KRT31: variants seen among roughly 807,000 people sequenced by gnomAD.
KRT31 encodes the protein keratin, type I cuticular Ha1.
A neutral mutation model predicts 40.8 loss-of-function variants in KRT31; 27 were observed. That is an observed-to-expected ratio of 0.66 (90% CI 0.49 to 0.91). KRT31 has a LOEUF of 0.91. Ranked by LOEUF, KRT31 falls within the 40% of genes least tolerant of loss-of-function variation. The probability of loss-of-function intolerance (pLI) is 0.00; values close to 1 mark genes in which losing one functional copy is unlikely to be tolerated. For missense variants in KRT31, 510 were observed against 544.1 expected (o/e 0.94, Z 0.62); for synonymous variants, 231 against 231.9 (o/e 1.00, Z 0.03).
At chr17:41,396,694 C>A in intron 2 of KRT31, 118 bp from the exon 3 acceptor site, 1 of 1,242,262 alleles carries the variant, frequency 8.0e-7, no homozygotes, top group Non-Finnish European at 1.1e-6. Context: ...GCCCAGGAGA[C>A]AGAGGTTTCT....
intron 5 of KRT31, 57 bp downstream of exon 5, chr17:41,395,188 C>G: frequency 6.2e-7 from 1 of 1,611,802 alleles, no homozygotes; most frequent in Non-Finnish European, 8.5e-7. Flanking sequence ...AAGCACATCC[C>G]CGGGACTCTG....
Position 41,396,938 on chromosome 17 carries a change from G to A in KRT31, c.406C>T (p.Leu136=), listed in dbSNP as rs761263135. 1.5e-5 allele frequency: 25 copies of A among 1,613,954 alleles called. No homozygotes were observed. Among genetic ancestry groups the A allele is most frequent in the Non-Finnish European group, 1.9e-5 (23 of 1,179,920 alleles). The change falls in exon 2 of 7, where the codon CTG becomes TTG. Residue 136 remains leucine, a synonymous_variant. Coordinates refer to ENST00000251645, the MANE Select transcript of KRT31 (RefSeq NM_002277.3). ...TTGGTTCTGAAATCATCCGCAGCCA[G>A]CTTGGCGTTGTCGATCTGCACCACA... ...RLVVQIDNAK[L]AADDFRTKYQ...
chr17:41,395,510 G>T lies in KRT31; in HGVS notation c.702C>A (p.Ala234=), dbSNP rs769809007. Residue 234 remains alanine, a synonymous_variant, in exon 4 of 7, where the codon GCC becomes GCA. Transcript: ENST00000251645. ...CTTCCCTGCGGTTGGTTTCCACCAG[G>T]GCCTCATACTGACTCCTGGTCTCGT... ...VLNETRSQYE[A]LVETNRREVE... 8 of 1,614,030 alleles carry T rather than the reference G, an allele frequency of 5.0e-6. No homozygotes were observed. In the East Asian group the frequency reaches 1.1e-4, roughly 22 times the overall value.
Position 41,395,346 on chromosome 17 carries a change from C to G in KRT31, c.775G>C (p.Val259Leu). ...TQTEELNKQV[V>L]SSSEQLQSYQ... Reference sequence around the variant, plus strand: ...GACTGCAGCTGCTCTGAGCTGGATACCACCTGCTTGTTCAGCTCCTCGGTC... The same window carrying G: ...GACTGCAGCTGCTCTGAGCTGGATAGCACCTGCTTGTTCAGCTCCTCGGTC... Residue 259 changes from valine to leucine, a missense_variant, in exon 5 of 7, where the codon GTA (valine) becomes CTA (leucine). By Grantham distance (32) the Val-to-Leu change is conservative. Coordinates refer to ENST00000251645, the MANE Select transcript of KRT31 (RefSeq NM_002277.3). 1 of 1,614,044 alleles carries G rather than the reference C, an allele frequency of 6.2e-7. No individual in the cohort carries two copies. The highest frequency in any genetic ancestry group is 8.5e-7 in the Non-Finnish European group (1 of 1,180,028).
Position 41,397,286 on chromosome 17 carries a change from T to C in KRT31, c.254A>G (p.Glu85Gly). Reference protein sequence around the residue: ...RQLERDNAELENLIRERSQQQ... With the variant: ...RQLERDNAELGNLIRERSQQQ... ...CTGAGACCGCTCCCGGATGAGGTTC[T>C]CCAGCTCCGCGTTGTCCCGCTCCAG... Residue 85 changes from glutamate (E) to glycine (G), a missense_variant, in exon 1 of 7, where the codon GAG becomes GGG. Glu to Gly is a moderately conservative substitution (Grantham distance 98). Coordinates refer to ENST00000251645, the MANE Select transcript of KRT31 (RefSeq NM_002277.3). 6.2e-7 allele frequency: 1 copy of C among 1,614,232 alleles called. No homozygotes were observed. Among genetic ancestry groups the C allele is most frequent in the Non-Finnish European group, 8.5e-7 (1 of 1,180,038 alleles).
chr17:41,395,477 T>G lies in KRT31; in HGVS notation c.735A>C (p.Gln245His). The change falls in exon 4 of 7, where the codon CAA becomes CAC. Residue 245 changes from glutamine (Q) to histidine (H), a missense_variant. Transcript: ENST00000251645. The part of the protein sequence containing the change: ...LVETNRREVE[Q>H]WFTTQTEELN... ...AGATGCCCACCTGCGTGGTGAACCA[T>G]TGCTCCACTTCCCTGCGGTTGGTTT... The G allele has an allele frequency of 1.2e-6, 2 of 1,614,142 alleles. No individual in the cohort carries two copies. The highest frequency in any genetic ancestry group is 8.5e-7 in the Non-Finnish European group (1 of 1,180,008).
At position 41,397,363 on chromosome 17, in the gene KRT31, A is replaced by G; in HGVS notation, c.177T>C (p.Thr59=). 1.2e-6 allele frequency: 2 copies of G among 1,613,440 alleles called. No homozygotes were observed. The highest frequency in any genetic ancestry group is 1.1e-5 in the South Asian group (1 of 91,040). ...EGSFNGSEKE[T]MQFLNDRLAS... The stretch of plus-strand genomic sequence containing the variant: ...CCAGGCGGTCGTTCAGGAACTGCAT[A>G]GTCTCCTTCTCGCTACCATTGAAGG... Residue 59 remains threonine (T), a synonymous_variant, in exon 1 of 7, where the codon ACT becomes ACC. Transcript: ENST00000251645.
rs765746547 is a variant in KRT31 at position 41,397,492 on chromosome 17, G to A, written c.48C>T (p.Cys16=). ...CLPSLSCRTS[C]SSRPCVPPSC... ...TGGGGGGCACGCAGGGCCGGGAGGA[G>A]CAGCTGGTGCGGCAGCTCAGGCTGG... is the stretch of plus-strand genomic sequence containing the variant. Residue 16 remains cysteine, a synonymous_variant, in exon 1 of 7, where the codon TGC becomes TGT. Coordinates refer to ENST00000251645, the MANE Select transcript of KRT31 (RefSeq NM_002277.3). 2 of 1,613,152 alleles carry A rather than the reference G, an allele frequency of 1.2e-6. No individual in the cohort carries two copies. The highest frequency in any genetic ancestry group is 1.3e-5 in the African/African-American group (1 of 74,906).
At chr17:41,395,668 T>G (rs2018214781) in intron 3 of KRT31, 45 bp from the exon 4 acceptor site, 2 of 1,590,830 alleles carry the variant, frequency 1.3e-6, no homozygotes, top group Non-Finnish European at 1.7e-6. Context: ...CAGCAAAGAA[T>G]GAACTCTAAG....
intron 1 of KRT31, 79 bp from the exon 2 acceptor site, chr17:41,397,074 T>C: frequency 6.3e-7 from 1 of 1,582,220 alleles, no homozygotes; most frequent in African/African-American, 1.4e-5. Flanking sequence ...CTTAAGCCAT[T>C]TTGAAATAAA....
rs1341983988 is a variant in KRT31, at chr17:41,393,816, C to A, written c.*200G>T. 1.1e-5 allele frequency: 6 copies of A among 563,936 alleles called. No homozygotes were observed. The Admixed American group carries it at 2.2e-4, about 21-fold the overall frequency. The allele number at this position is 563,936 out of a possible 1,614,324, so 34.9% of individuals were successfully genotyped here. On this transcript the variant is annotated 3_prime_UTR_variant, in exon 7 of 7. Coordinates refer to ENST00000251645, the MANE Select transcript of KRT31 (RefSeq NM_002277.3). The stretch of plus-strand genomic sequence containing the variant: ...TGGGTGAGCATAGGAAGGAACAGAC[C>A]CCCAGGAAGGAAAGGGTGAGCAGGA...
At position 41,396,981 on chromosome 17, in the gene KRT31, C is replaced by T. The variant is rs1204113960; in HGVS notation, c.363G>A (p.Lys121=). 2 of 1,614,088 alleles carry T rather than the reference C, an allele frequency of 1.2e-6. No homozygotes were observed. The highest frequency in any genetic ancestry group is 1.7e-5 in the Admixed American group (1 of 60,028). ...GCACCACAAGCCTGGCATTCTCAGA[C>T]TTGGTACACAGGATCTGGGGAGTGA... ...EELQQKILCT[K]SENARLVVQI... is the part of the protein sequence containing the mutation. The change falls in exon 2 of 7, where the codon AAG becomes AAA. Residue 121 remains lysine (K), a synonymous_variant. Transcript: ENST00000251645.
rs2018227102 is a variant in KRT31, at chr17:41,396,417, C to T, written c.588+3G>A. 2 of 1,613,216 alleles carry T rather than the reference C, an allele frequency of 1.2e-6. No individual in the cohort carries two copies. Among genetic ancestry groups the T allele is most frequent in the African/African-American group, 1.3e-5 (1 of 75,030 alleles). On this transcript the variant is annotated splice_donor_region_variant and intron_variant, in intron 3 of 6. Transcript: ENST00000251645. ...TTTGTGCATTTCTCATTTCTAGTCT[C>T]ACCTGCTCATGGTTGCTCTTGAGGC...
intron 6 of KRT31, 149 bp downstream of exon 6, chr17:41,394,699 A>C: frequency 7.3e-7 from 1 of 1,378,274 alleles, no homozygotes; most frequent in Non-Finnish European, 9.7e-7. Flanking sequence ...GTTTTAAATG[A>C]TGGCCATATT....
chr17:41,396,145 C>A (rs997667286), intron 3 of KRT31, among the ~76,000 whole-genome samples: 2 of 151,690 alleles, frequency 1.3e-5, no homozygotes, highest in African/African-American at 2.4e-5. Flanking sequence ...AATAACACTG[C>A]AATGCTAGGA....
chr17:41,397,347 C>T lies in KRT31; in HGVS notation c.193G>A (p.Asp65Asn), dbSNP rs1195430640. The T allele has an allele frequency of 1.2e-6, 2 of 1,613,584 alleles. No homozygotes were observed. Among genetic ancestry groups the T allele is most frequent in the Admixed American group, 1.7e-5 (1 of 60,006 alleles). ...SEKETMQFLN[D>N]RLASYLEKVR... ...TTCTCCAGGTAGCTGGCCAGGCGGT[C>T]GTTCAGGAACTGCATAGTCTCCTTC... The change falls in exon 1 of 7, where the codon GAC becomes AAC. Residue 65 changes from aspartate to asparagine, a missense_variant. By Grantham distance (23) the Asp-to-Asn change is conservative. Transcript: ENST00000251645.
At position 41,394,056 on chromosome 17, in the gene KRT31, G is replaced by A. The variant is rs138434002; in HGVS notation, c.1211C>T (p.Pro404Leu). ...ATTGCAGGGCCCACAGCGGGGGCGT[G>A]GGGCACAGGGTGTGCAGGGGGCAGG... ...VPPAPCTPCA[P>L]RPRCGPCNSF... is the part of the protein sequence containing the mutation. The change falls in exon 7 of 7, where the codon CCA becomes CTA. Residue 404 changes from proline (P) to leucine (L), a missense_variant. Coordinates refer to ENST00000251645, the MANE Select transcript of KRT31 (RefSeq NM_002277.3). The A allele has an allele frequency of 3.5e-4, 562 of 1,613,490 alleles. 1 individual carries two copies. Among genetic ancestry groups the A allele is most frequent in the Non-Finnish European group, 4.4e-4 (516 of 1,179,716 alleles).
intron 6 of KRT31, 150 bp downstream of exon 6, chr17:41,394,698 G>T (rs1333295791): frequency 7.2e-7 from 1 of 1,385,496 alleles, no homozygotes; most frequent in Admixed American, 2.6e-5. Context: ...TGTTTTAAAT[G>T]ATGGCCATAT....
Position 41,396,449 on chromosome 17 carries a change from G to A in KRT31, c.559C>T (p.Leu187=). 6.2e-7 allele frequency: 1 copy of A among 1,614,192 alleles called. No individual in the cohort carries two copies. ...TCATGGTTGCTCTTGAGGCAGAGCAGCTCCTCCTTCAGGGACTCCACCTGG... is the reference window on the plus strand; with the variant it reads ...TCATGGTTGCTCTTGAGGCAGAGCAACTCCTCCTTCAGGGACTCCACCTGG... The part of the protein sequence containing the change: ...EAQVESLKEE[L]LCLKSNHEQE... Residue 187 remains leucine, a synonymous_variant, in exon 3 of 7, where the codon CTG becomes TTG. Transcript: ENST00000251645.
Sources: gnomAD v4.1 joint callset for allele counts (sites outside exome capture counted in the v4.1 genomes callset) on GRCh38, gnomAD v4.1.1 for gene constraint, MANE v1.5 for transcripts, NCBI Gene and HGNC (gene_info 2026-07-23, HGNC 2026-07-21) for gene names.